FREM3: variants seen among roughly 807,000 people sequenced by gnomAD.
FREM3 encodes the protein FRAS1-related extracellular matrix protein 3.
A neutral mutation model predicts 129.1 loss-of-function variants in FREM3; 105 were observed. That is an observed-to-expected ratio of 0.81 (90% CI 0.69 to 0.96). The LOEUF is 0.96. FREM3 is among the 40% of genes least tolerant of loss of function. The pLI is 0.00. For synonymous variants in FREM3, 1,014 were observed against 1,044.9 expected, an observed-to-expected ratio of 0.97 and a Z score of 0.57; for missense variants, 2,593 against 2,666.3, an observed-to-expected ratio of 0.97 and a Z score of 0.61.
At position 143,615,952 on chromosome 4, in the gene FREM3, G is replaced by A. The variant is rs546536372; in HGVS notation, c.5780-4425C>T. Reference sequence around the variant, plus strand: ...CTATGGTTATGCCTGAGGATACAGGGCAGCAGGAGTGTGTCTGGATCAGTA... The same window carrying A: ...CTATGGTTATGCCTGAGGATACAGGACAGCAGGAGTGTGTCTGGATCAGTA... On this transcript the variant is annotated intron_variant, in intron 5 of 7. Coordinates refer to ENST00000329798, the MANE Select transcript of FREM3 (RefSeq NM_001168235.2). Among the ~76,000 whole-genome samples, 6 of 152,262 alleles carry A rather than the reference G, an allele frequency of 3.9e-5. No homozygotes were observed. The South Asian group carries it at 8.3e-4, about 21-fold the overall frequency.
At position 143,696,709 on chromosome 4, in the gene FREM3, C is replaced by G. The variant is rs952507378; in HGVS notation, c.3967G>C (p.Glu1323Gln). 3 of 1,537,780 alleles carry G rather than the reference C, an allele frequency of 2.0e-6. No homozygotes were observed. The African/African-American group carries it at 4.1e-5, about 21-fold the overall frequency. ...NGLKVEKGHS[E>Q]IITNRILKAT... ...TTGAGGATCCGATTTGTGATGATCT[C>G]AGAGTGTCCTTTCTCTACCTTCAGC... Residue 1323 changes from glutamate to glutamine, a missense_variant, in exon 1 of 8, where the codon GAG (glutamate) becomes CAG (glutamine). By Grantham distance (29) the Glu-to-Gln change is conservative. Transcript: ENST00000329798.
intron 3 of FREM3, among the ~76,000 whole-genome samples, chr4:143,626,085 G>C (rs929859533): frequency 4.6e-5 from 7 of 152,116 alleles, no homozygotes; most frequent in Non-Finnish European, 1.0e-4. Flanking sequence ...GTGGAGTTGG[G>C]GTATCAGAAG....
At chr4:143,661,204 G>T (rs1248920959) in intron 2 of FREM3, among the ~76,000 whole-genome samples, 4 of 152,156 alleles carry the variant, frequency 2.6e-5, no homozygotes, top group Non-Finnish European at 4.4e-5. Flanking sequence ...CATTCAGTAT[G>T]ATATTGGCTG....
intron 2 of FREM3, among the ~76,000 whole-genome samples, chr4:143,684,907 A>AT (rs1415000977): frequency 3.3e-5 from 5 of 152,134 alleles, no homozygotes; most frequent in African/African-American, 1.2e-4. Context: ...GAAGAAAGAA[A>AT]TTTCTAGCTC....
At chr4:143,636,170 T>G (rs541471154) in intron 2 of FREM3, among the ~76,000 whole-genome samples, 1 of 151,690 alleles carries the variant, frequency 6.6e-6, no homozygotes, top group South Asian at 2.1e-4. Flanking sequence ...TTTGTTTTTT[T>G]TTTTAAACTA....
At position 143,698,704 on chromosome 4, in the gene FREM3, G is replaced by A. The variant is rs766787789; in HGVS notation, c.1972C>T (p.Arg658Cys). 4.1e-5 allele frequency: 63 copies of A among 1,537,178 alleles called. No individual in the cohort carries two copies. The highest frequency in any genetic ancestry group is 3.2e-4 in the East Asian group (13 of 40,924). ...TGAGGGCTGTGTGGTCCAAGATGGC[G>A]GTAGAAGAGTCTCCCTTCCATTATG... ...RDIMEGRLFY[R>C]HLGPHSPQSV... Residue 658 changes from arginine to cysteine, a missense_variant, in exon 1 of 8, where the codon CGC becomes TGC. Transcript: ENST00000329798.
chr4:143,593,707 G>A (rs892016389), intron 6 of FREM3, among the ~76,000 whole-genome samples: 1 of 152,202 alleles, frequency 6.6e-6, no homozygotes, highest in African/African-American at 2.4e-5. Flanking sequence ...GAGGCAGTCT[G>A]CCCGTTCTCA....
intron 6 of FREM3, 55 bp from the exon 7 acceptor site, chr4:143,586,048 T>C (rs1167798961): frequency 6.6e-7 from 1 of 1,512,374 alleles, no homozygotes; most frequent in African/African-American, 1.4e-5. Context: ...TGGTATACTG[T>C]CTCCTTTGGC....
Position 143,698,857 on chromosome 4 carries a change from C to T in FREM3, c.1819G>A (p.Gly607Ser). The change falls in exon 1 of 8, where the codon GGC (glycine) becomes AGC (serine). Residue 607 changes from glycine (G) to serine (S), a missense_variant. Around this residue, in one of 2 missense-constraint regions of FREM3, gnomAD observed 2,276 missense variants for 2,267.2 expected, o/e 1.00. Transcript: ENST00000329798. ...AGCAACAGGTCCCCCAGGTAGTGGCCTGAGTGGGAGGAACCAGGGGCCAAC... is the reference window on the plus strand; with the variant it reads ...AGCAACAGGTCCCCCAGGTAGTGGCTTGAGTGGGAGGAACCAGGGGCCAAC... ...WELAPGSSHSGHYLGDLLLQQ... is the reference protein window; with the variant it reads ...WELAPGSSHSSHYLGDLLLQQ... The T allele has an allele frequency of 6.5e-7, 1 of 1,537,688 alleles. No homozygotes were observed. The highest frequency in any genetic ancestry group is 8.7e-7 in the Non-Finnish European group (1 of 1,147,024).
At chr4:143,609,039 A>G (rs1738712615) in intron 6 of FREM3, among the ~76,000 whole-genome samples, 1 of 152,172 alleles carries the variant, frequency 6.6e-6, no homozygotes, top group Non-Finnish European at 1.5e-5. Flanking sequence ...TAAGAATCAT[A>G]GAATTATGGA....
intron 6 of FREM3, 23 bp from the exon 7 acceptor site, chr4:143,586,016 A>G (rs770865988): frequency 5.2e-6 from 8 of 1,536,854 alleles, no homozygotes; most frequent in East Asian, 2.4e-5. Flanking sequence ...AAAAAGATAC[A>G]CTAAGAATGC....
rs755932475 is a variant in FREM3 at position 143,697,059 on chromosome 4, C to G, written c.3617G>C (p.Gly1206Ala). 2 of 1,537,546 alleles carry G rather than the reference C, an allele frequency of 1.3e-6. No individual in the cohort carries two copies. Among genetic ancestry groups the G allele is most frequent in the Non-Finnish European group, 1.7e-6 (2 of 1,147,004 alleles). ...CTGGGTGTCTATGACCAGGCTCATCCCCTCTAGTACCTTAAACTCATGGGC... is the reference window on the plus strand; with the variant it reads ...CTGGGTGTCTATGACCAGGCTCATCGCCTCTAGTACCTTAAACTCATGGGC... Reference protein sequence around the residue: ...LFAHEFKVLEGMSLVIDTQLL... With the variant: ...LFAHEFKVLEAMSLVIDTQLL... Residue 1206 changes from glycine to alanine, a missense_variant, in exon 1 of 8, where the codon GGG (glycine) becomes GCG (alanine). Transcript: ENST00000329798.
chr4:143,685,824 C>T (rs1740353982), intron 2 of FREM3, among the ~76,000 whole-genome samples: 1 of 151,796 alleles, frequency 6.6e-6, no homozygotes, highest in South Asian at 2.1e-4. Context: ...AACACATGGA[C>T]ACAGCTGTGG....
intron 1 of FREM3, 80 bp from the exon 2 acceptor site, chr4:143,693,282 T>G: frequency 1.7e-6 from 1 of 599,306 alleles, no homozygotes; most frequent in East Asian, 3.1e-5. Flanking sequence ...AAGTTTTAAT[T>G]AGGCATAGAA....
chr4:143,615,689 G>GGGAATATCGTCAAGTGTAT (rs1218009688), intron 5 of FREM3, among the ~76,000 whole-genome samples: 3 of 149,216 alleles, frequency 2.0e-5, no homozygotes, highest in Non-Finnish European at 4.4e-5. Context: ...GTCAAGTGTA[G>GGGAATATCGTCAAGTGTAT]GGAATATCGT....
chr4:143,655,906 T>C (rs1218403794), intron 2 of FREM3, among the ~76,000 whole-genome samples: 1 of 152,146 alleles, frequency 6.6e-6, no homozygotes, highest in Non-Finnish European at 1.5e-5. Context: ...AAAGTAAAAC[T>C]CCTCAGAGGA....
chr4:143,672,604 C>T (rs1327014421), intron 2 of FREM3, among the ~76,000 whole-genome samples: 4 of 152,056 alleles, frequency 2.6e-5, no homozygotes, highest in South Asian at 4.1e-4. Context: ...ATCTTTGTGG[C>T]GTTCTCTGTA....
intron 2 of FREM3, among the ~76,000 whole-genome samples, chr4:143,675,635 G>C (rs1433628418): frequency 2.6e-5 from 4 of 152,162 alleles, no homozygotes; most frequent in Non-Finnish European, 5.9e-5. Flanking sequence ...AAAATTGATA[G>C]ACTGCTAGAA....
intron 6 of FREM3, among the ~76,000 whole-genome samples, chr4:143,591,255 T>C (rs983319690): frequency 2.6e-5 from 4 of 152,346 alleles, no homozygotes; most frequent in African/African-American, 9.6e-5. Context: ...TCTGCTCTTA[T>C]CTTAGTTATT....
Sources: gnomAD v4.1 joint callset for allele counts (sites outside exome capture counted in the v4.1 genomes callset) on GRCh38, gnomAD v4.1.1 for gene constraint, gnomAD v4.1.1 regional missense constraint, MANE v1.5 for transcripts, NCBI Gene and HGNC (gene_info 2026-07-23, HGNC 2026-07-21) for gene names.